CPNE9: variants seen among roughly 807,000 people sequenced by gnomAD.
CPNE9 encodes the protein copine family member 9, also known as copine-9.
In CPNE9, 59 loss-of-function variants were observed where a neutral mutation model predicts 83.0. That is an observed-to-expected ratio of 0.71 (90% CI 0.58 to 0.88). The LOEUF (loss-of-function observed/expected upper bound fraction) is 0.88. Among genes scored for constraint, CPNE9 ranks in the 40% least tolerant of loss-of-function variants. The pLI, the probability that CPNE9 is intolerant of heterozygous loss-of-function variation, is 0.00. For missense variants in CPNE9, 619 were observed against 720.8 expected (o/e 0.86, Z 1.62); for synonymous variants, 256 against 273.4 (o/e 0.94, Z 0.63).
chr3:9,725,689 CAT>C (rs1491214099), intron 17 of CPNE9, among the ~76,000 whole-genome samples: 3 of 100,628 alleles, frequency 3.0e-5, no homozygotes, highest in Non-Finnish European at 4.5e-5. Context: ...TATATATATA[CAT>C]ATATGTGTAT....
rs1575138113 is a variant in CPNE9, at chr3:9,729,902, T to G, written c.*210T>G. On this transcript the variant is annotated 3_prime_UTR_variant, in exon 21 of 21. Coordinates refer to ENST00000383832, the MANE Select transcript of CPNE9 (RefSeq NM_153635.3). ...TCATGCCAATAATAAAGCTGATCTT[T>G]ATTCCACCTCTGTCTCATGCATGTT... The G allele has an allele frequency of 1.6e-6, 1 of 619,474 alleles. No individual in the cohort carries two copies. Among genetic ancestry groups the G allele is most frequent in the African/African-American group, 1.8e-5 (1 of 54,732 alleles). The allele number at this position is 619,474 out of a possible 1,614,324, so 38.4% of individuals were successfully genotyped here.
intron 20 of CPNE9, 51 bp downstream of exon 20, chr3:9,727,237 G>A (rs763298655): frequency 6.3e-7 from 1 of 1,596,572 alleles, no homozygotes; most frequent in Non-Finnish European, 8.6e-7. Flanking sequence ...AGTGAGAAGA[G>A]GCTAAGTTGG....
intron 15 of CPNE9, 147 bp from the exon 16 acceptor site, chr3:9,717,882 A>G (rs2076698744): frequency 1.5e-6 from 1 of 648,864 alleles, no homozygotes. Flanking sequence ...ATAAATGAAC[A>G]AATGGATGAT....
chr3:9,706,037 G>C lies in CPNE9; in HGVS notation c.351G>C (p.Gln117His). The C allele has an allele frequency of 1.2e-6, 2 of 1,613,632 alleles. No individual in the cohort carries two copies. The highest frequency in any genetic ancestry group is 1.7e-6 in the Non-Finnish European group (2 of 1,179,984). Reference sequence around the variant, plus strand: ...CCCTGGGAGAGGTGATTGGAGGCCAGGGCAGCCGAGTAGAGCGAACCCTCA... The same window carrying C: ...CCCTGGGAGAGGTGATTGGAGGCCACGGCAGCCGAGTAGAGCGAACCCTCA... ...FLALGEVIGGQGSRVERTLTG... is the reference protein window; with the variant it reads ...FLALGEVIGGHGSRVERTLTG... Residue 117 changes from glutamine (Q) to histidine (H), a missense_variant, in exon 7 of 21, where the codon CAG (glutamine) becomes CAC (histidine). This residue lies in a region of CPNE9 where 438 missense variants were observed against 562.9 expected (regional missense o/e 0.78). Coordinates refer to ENST00000383832, the MANE Select transcript of CPNE9 (RefSeq NM_153635.3).
At chr3:9,718,241 G>A in intron 16 of CPNE9, 31 bp downstream of exon 16, 3 of 1,569,952 alleles carry the variant, frequency 1.9e-6, no homozygotes, top group Non-Finnish European at 2.6e-6. Context: ...TACCCTCCGT[G>A]CCCTGGCATC....
intron 7 of CPNE9, among the ~76,000 whole-genome samples, chr3:9,710,732 A>C (rs2076618648): frequency 6.6e-6 from 1 of 152,204 alleles, no homozygotes; most frequent in South Asian, 2.1e-4. Context: ...ATATATCGAA[A>C]GTGAGAGAAA....
rs556442993 is a variant in CPNE9 at position 9,707,269 on chromosome 3, C to T, written c.377+1206C>T. Among the ~76,000 whole-genome samples the T allele has an allele frequency of 7.8e-5, 11 of 140,668 alleles. No individual in the cohort carries two copies. In the South Asian group the frequency reaches 2.6e-3, roughly 33 times the overall value. 92.3% of individuals were successfully genotyped at this position (140,668 alleles called of 152,430 possible). On this transcript the variant is annotated intron_variant, in intron 7 of 20. Transcript: ENST00000383832. The stretch of plus-strand genomic sequence containing the variant: ...TTGGGAGGCTGAGGGAGGAGAATGG[C>T]GTGAACCTGGGAGGTGGAGCTTGCA...
In CPNE9 at chr3:9,704,938, G is replaced by A; in HGVS notation, c.204G>A (p.Val68=). The change falls in exon 4 of 21, where the codon GTG becomes GTA. Residue 68 remains valine (V), a synonymous_variant. Transcript: ENST00000383832. The surrounding 1 kb of genome is among the most constrained non-coding windows in gnomAD (Gnocchi z 7.1). ...VIDNTLNPDF[V]RKFVLDYFFE... is the part of the protein sequence containing the mutation. Reference sequence around the variant, plus strand: ...ATAACACGCTGAACCCAGACTTCGTGCGCAAATTCGTCCTCGACTATTTCT... The same window carrying A: ...ATAACACGCTGAACCCAGACTTCGTACGCAAATTCGTCCTCGACTATTTCT... The A allele has an allele frequency of 1.2e-6, 2 of 1,613,464 alleles. No individual in the cohort carries two copies. The highest frequency in any genetic ancestry group is 2.2e-5 in the East Asian group (1 of 44,866).
chr3:9,704,680 G>A lies in CPNE9; in HGVS notation c.109+53G>A, dbSNP rs1049745426. 5.6e-6 allele frequency: 9 copies of A among 1,610,652 alleles called. No homozygotes were observed. The Admixed American group carries it at 1.3e-4, about 24-fold the overall frequency. On this transcript the variant is annotated intron_variant, in intron 2 of 20. Transcript: ENST00000383832. The surrounding 1 kb of genome is among the most constrained non-coding windows in gnomAD (Gnocchi z 7.1). ...AACTTGGGGTCTGGGCGCGACTCAG[G>A]GGCGGGTGGAGTCGGGGCCAGGGGT... is the stretch of plus-strand genomic sequence containing the variant.
At chr3:9,727,535 G>C in intron 20 of CPNE9, 2 of 643,354 alleles carry the variant, frequency 3.1e-6, no homozygotes, top group East Asian at 5.5e-5. Context: ...CATAGGTACA[G>C]TAGTCAGGAA....
At chr3:9,714,639 TAAAAA>T (rs34491669) in intron 10 of CPNE9, among the ~76,000 whole-genome samples, 1 of 103,352 alleles carries the variant, frequency 9.7e-6, no homozygotes, top group Middle Eastern at 6.0e-3. Context: ...CTCAAAGTGG[TAAAAA>T]AAAAAAAAAA....
At chr3:9,719,349 A>G (rs545755672) in intron 17 of CPNE9, among the ~76,000 whole-genome samples, 2 of 151,984 alleles carry the variant, frequency 1.3e-5, no homozygotes, top group Non-Finnish European at 2.9e-5. Context: ...AATTACCCTA[A>G]CCCCACTGCC....
At chr3:9,715,263 G>T (rs1361918757) in intron 11 of CPNE9, 26 bp from the exon 12 acceptor site, 1 of 1,613,032 alleles carries the variant, frequency 6.2e-7, no homozygotes, top group Non-Finnish European at 8.5e-7. Flanking sequence ...AGCACCTGCT[G>T]CTTAGCCACG....
chr3:9,712,831 G>C lies in CPNE9; in HGVS notation c.545+3G>C. The C allele has an allele frequency of 6.2e-7, 1 of 1,611,066 alleles. No individual in the cohort carries two copies. The highest frequency in any genetic ancestry group is 8.5e-7 in the Non-Finnish European group (1 of 1,177,280). ...TACAGGAGCAATGAGGATGGCACGT[G>C]AGTCACTGCCATCAGGGCTGTTAGG... On this transcript the variant is annotated splice_donor_region_variant and intron_variant, in intron 9 of 20. Coordinates refer to ENST00000383832, the MANE Select transcript of CPNE9 (RefSeq NM_153635.3).
chr3:9,706,170 A>G lies in CPNE9; in HGVS notation c.377+107A>G, dbSNP rs897211241. On this transcript the variant is annotated intron_variant, in intron 7 of 20. Coordinates refer to ENST00000383832, the MANE Select transcript of CPNE9 (RefSeq NM_153635.3). Reference sequence around the variant, plus strand: ...GTGGAGGCTGGGGTTGCCCCTGGTCAGGAGCCTGCCCCGGCTCCCATCACC... The same window carrying G: ...GTGGAGGCTGGGGTTGCCCCTGGTCGGGAGCCTGCCCCGGCTCCCATCACC... 68 of 1,070,334 alleles carry G rather than the reference A, an allele frequency of 6.4e-5. No homozygotes were observed. In the South Asian group the frequency reaches 9.6e-4, roughly 15 times the overall value. 66.3% of individuals were successfully genotyped at this position (1,070,334 alleles called of 1,614,324 possible). A position where few individuals can be genotyped will look rare whatever the true frequency, so the allele number is the denominator to read the frequency against.
chr3:9,729,800 G>T lies in CPNE9; in HGVS notation c.*108G>T. On this transcript the variant is annotated 3_prime_UTR_variant, in exon 21 of 21. Coordinates refer to ENST00000383832, the MANE Select transcript of CPNE9 (RefSeq NM_153635.3). ...TGGACTTCACTGGGAGGGCCAACTT[G>T]GAGGATCAGTGCTGGCTGACAAGCC... The T allele has an allele frequency of 6.9e-7, 1 of 1,445,112 alleles. No homozygotes were observed. The highest frequency in any genetic ancestry group is 9.1e-7 in the Non-Finnish European group (1 of 1,092,948). The allele number at this position is 1,445,112 out of a possible 1,614,324, so 89.5% of individuals were successfully genotyped here.
At position 9,726,654 on chromosome 3, in the gene CPNE9, T is replaced by C. The variant is rs1452904565; in HGVS notation, c.1345-11T>C. 1.2e-6 allele frequency: 2 copies of C among 1,612,530 alleles called. No homozygotes were observed. The highest frequency in any genetic ancestry group is 4.5e-5 in the East Asian group (2 of 44,856). ...TGCTTGCCCCAACAGTTCACCCTCT[T>C]TCCCCTACAGGCCTCCTCATTGCCC... is the stretch of plus-strand genomic sequence containing the variant. On this transcript the variant is annotated splice_polypyrimidine_tract_variant and intron_variant, in intron 18 of 20. Coordinates refer to ENST00000383832, the MANE Select transcript of CPNE9 (RefSeq NM_153635.3).
chr3:9,710,922 G>A (rs1416082415), intron 7 of CPNE9, among the ~76,000 whole-genome samples: 1 of 152,018 alleles, frequency 6.6e-6, no homozygotes, highest in African/African-American at 2.4e-5. Flanking sequence ...TCGGCTACTT[G>A]AGAGGCTGAT....
At chr3:9,713,136 T>C in intron 10 of CPNE9, 57 bp downstream of exon 10, 1 of 1,304,200 alleles carries the variant, frequency 7.7e-7, no homozygotes, top group Non-Finnish European at 1.1e-6. Flanking sequence ...GTGTGGTTCC[T>C]GGGCCCAAGA....
Sources: allele counts gnomAD v4.1 joint callset (sites outside exome capture counted in the v4.1 genomes callset), GRCh38; gene constraint gnomAD v4.1.1; regional missense constraint gnomAD v4.1.1; non-coding constraint Gnocchi (gnomAD v3.1); transcripts MANE v1.5; gene names NCBI Gene and HGNC (gene_info 2026-07-23, HGNC 2026-07-21).